Variants in VAMP4 observed in about 807,000 individuals in gnomAD.
VAMP4 encodes vesicle associated membrane protein 4, also known as vesicle-associated membrane protein 4.
In VAMP4, 19 loss-of-function variants were observed where a neutral mutation model predicts 23.5. The ratio of observed to expected loss-of-function variants is 0.81; its 90% CI spans 0.56 to 1.19. The LOEUF is 1.19. Ranked by LOEUF, VAMP4 falls within the 50% of genes most tolerant of loss-of-function variation. The pLI, the probability that VAMP4 is intolerant of heterozygous loss-of-function variation, is 0.00. For synonymous variants in VAMP4, 31 were observed against 51.0 expected (o/e 0.61, Z 1.67); for missense variants, 145 against 168.6 (o/e 0.86, Z 0.78).
intron 6 of VAMP4, 119 bp from the exon 7 acceptor site, chr1:171,706,537 T>G: frequency 1.1e-6 from 1 of 904,834 alleles, no homozygotes; most frequent in South Asian, 2.7e-5. Flanking sequence ...GTTTCTTAAC[T>G]ACAAAACTGA....
rs897879290 is a variant in VAMP4, at chr1:171,709,241, T to C, written c.345+424A>G. ...CTCCATTTGTCTTAACAGATTCGGA[T>C]ATGTAAGCTTTTATTTTTTACCCTT... On this transcript the variant is annotated intron_variant, in intron 6 of 7. Transcript: ENST00000236192. 3.7e-4 allele frequency among the ~76,000 whole-genome samples: 56 copies of C among 152,224 alleles called. 1 individual carries two copies. The highest frequency in any genetic ancestry group is 1.2e-3 in the African/African-American group (49 of 41,560).
chr1:171,703,601 G>C lies in VAMP4; in HGVS notation c.*905C>G, dbSNP rs866617336. 62 of 151,590 alleles carry C rather than the reference G, an allele frequency of 4.1e-4. No individual in the cohort carries two copies. In the Admixed American group the frequency reaches 4.1e-3, roughly 10 times the overall value. 9.4% of individuals were successfully genotyped at this position (151,590 alleles called of 1,614,324 possible). A position where few individuals can be genotyped will look rare whatever the true frequency, so the allele number is the denominator to read the frequency against. On this transcript the variant is annotated 3_prime_UTR_variant, in exon 8 of 8. Coordinates refer to ENST00000236192, the MANE Select transcript of VAMP4 (RefSeq NM_003762.5). ...ATTCAAAGTATTAATAGATGGTTTT[G>C]CTACTTTTTGTACTTTTGGTAAATG...
In VAMP4 at chr1:171,700,406, T is replaced by C. The variant is rs1353385023; in HGVS notation, c.*4100A>G. ...GTGTGGAATTTAAAATAATGACATA[T>C]ACCCAAGACACAAAATAAAGGACTT... On this transcript the variant is annotated 3_prime_UTR_variant, in exon 8 of 8. Coordinates refer to ENST00000236192, the MANE Select transcript of VAMP4 (RefSeq NM_003762.5). The C allele has an allele frequency of 1.3e-5, 2 of 152,198 alleles. No homozygotes were observed. Among genetic ancestry groups the C allele is most frequent in the African/African-American group, 4.8e-5 (2 of 41,450 alleles). The allele number at this position is 152,198 out of a possible 1,614,324, so 9.4% of individuals were successfully genotyped here.
chr1:171,708,330 A>G, intron 6 of VAMP4, among the ~76,000 whole-genome samples: 1 of 125,694 alleles, frequency 8.0e-6, no homozygotes, highest in African/African-American at 3.0e-5. Flanking sequence ...ACACAGCAAG[A>G]GTGCCACAAA....
chr1:171,731,581 A>C (rs1188941919), intron 2 of VAMP4, among the ~76,000 whole-genome samples: 5 of 152,198 alleles, frequency 3.3e-5, no homozygotes, highest in African/African-American at 1.2e-4. Flanking sequence ...AGCCAGCCAA[A>C]GATCAGGGTG....
rs117891274 is a variant in VAMP4, at chr1:171,724,669, A to G, written c.113+3855T>C. Among the ~76,000 whole-genome samples the G allele has an allele frequency of 2.6e-5, 4 of 152,282 alleles. 1 individual carries two copies. In the East Asian group the frequency reaches 5.8e-4, roughly 22 times the overall value. On this transcript the variant is annotated intron_variant, in intron 3 of 7. Coordinates refer to ENST00000236192, the MANE Select transcript of VAMP4 (RefSeq NM_003762.5). ...CCCCAAATTCATCTATAGGTTCAAT[A>G]TAATCTCAACCAAAATTCTAGCAGG...
At chr1:171,726,734 T>C (rs1169638740) in intron 3 of VAMP4, among the ~76,000 whole-genome samples, 2 of 152,132 alleles carry the variant, frequency 1.3e-5, no homozygotes, top group Non-Finnish European at 2.9e-5. Flanking sequence ...GTAAAAATCT[T>C]AGTGACCTTG....
At chr1:171,719,362 T>C in intron 3 of VAMP4, 141 bp from the exon 4 acceptor site, 2 of 609,174 alleles carry the variant, frequency 3.3e-6, no homozygotes, top group Non-Finnish European at 5.5e-6. Flanking sequence ...AGGGACCACA[T>C]TTTACTGATA....
intron 4 of VAMP4, among the ~76,000 whole-genome samples, chr1:171,718,604 G>T (rs1378867391): frequency 6.6e-6 from 1 of 152,012 alleles, no homozygotes; most frequent in Non-Finnish European, 1.5e-5. Flanking sequence ...CAATATATGG[G>T]TTATGATAAA....
At chr1:171,738,527 C>G in intron 1 of VAMP4, 64 bp from the exon 2 acceptor site, 1 of 1,046,694 alleles carries the variant, frequency 9.6e-7, no homozygotes, top group Non-Finnish European at 1.4e-6. Flanking sequence ...GTACTTAAAA[C>G]AGTGTACATG....
chr1:171,708,249 A>G (rs918474707), intron 6 of VAMP4, among the ~76,000 whole-genome samples: 2 of 151,084 alleles, frequency 1.3e-5, no homozygotes, highest in East Asian at 4.0e-4. Context: ...CTGAGGCATG[A>G]GAATCACTTG....
In VAMP4 at chr1:171,709,733, C is replaced by A; in HGVS notation, c.277G>T (p.Asp93Tyr). Reference sequence around the variant, plus strand: ...CTGTTGCTAAAAGCTGTTGCATTATCCGATAAGCTTTCTATATCACATAGA... The same window carrying A: ...CTGTTGCTAAAAGCTGTTGCATTATACGATAAGCTTTCTATATCACATAGA... ...ELQDKSESLS[D>Y]NATAFSNRSK... Residue 93 changes from aspartate (D) to tyrosine (Y), a missense_variant, in exon 6 of 8, where the codon GAT (aspartate) becomes TAT (tyrosine). Coordinates refer to ENST00000236192, the MANE Select transcript of VAMP4 (RefSeq NM_003762.5). The A allele has an allele frequency of 1.9e-6, 3 of 1,612,740 alleles. No individual in the cohort carries two copies. The highest frequency in any genetic ancestry group is 1.1e-5 in the South Asian group (1 of 91,056).
At chr1:171,706,734 A>G (rs1223481381) in intron 6 of VAMP4, among the ~76,000 whole-genome samples, 1 of 152,208 alleles carries the variant, frequency 6.6e-6, no homozygotes, top group Non-Finnish European at 1.5e-5. Context: ...AACCATTTGA[A>G]TTGCATGGCC....
In VAMP4 at chr1:171,701,087, A is replaced by C. The variant is rs963144288; in HGVS notation, c.*3419T>G. On this transcript the variant is annotated 3_prime_UTR_variant, in exon 8 of 8. Transcript: ENST00000236192. Reference sequence around the variant, plus strand: ...TGCATTTTTAGACAAAAGCATTTAGACAAATTTCATTTGTCTACAACATGG... The same window carrying C: ...TGCATTTTTAGACAAAAGCATTTAGCCAAATTTCATTTGTCTACAACATGG... 2 of 152,224 alleles carry C rather than the reference A, an allele frequency of 1.3e-5. No homozygotes were observed. Among genetic ancestry groups the C allele is most frequent in the Admixed American group, 1.3e-4 (2 of 15,282 alleles). The allele number at this position is 152,224 out of a possible 1,614,324, so 9.4% of individuals were successfully genotyped here.
intron 3 of VAMP4, among the ~76,000 whole-genome samples, chr1:171,723,405 T>C (rs1183159882): frequency 6.6e-6 from 1 of 152,190 alleles, no homozygotes; most frequent in Non-Finnish European, 1.5e-5. Flanking sequence ...ATCTGCAACA[T>C]ATAAGACACA....
chr1:171,703,914 T>C lies in VAMP4; in HGVS notation c.*592A>G, dbSNP rs1052676. On this transcript the variant is annotated 3_prime_UTR_variant, in exon 8 of 8. Transcript: ENST00000236192. ...CCAATGCCAAAAAAATTACTACACA[T>C]TCTCTTACACAGTCAAAAATATATT... 0.17 allele frequency: 26,255 copies of C among 152,346 alleles called. 2,357 individuals carry two copies. Among genetic ancestry groups the C allele is most frequent in the Middle Eastern group, 0.24 (72 of 294 alleles). The allele number at this position is 152,346 out of a possible 1,614,324, so 9.4% of individuals were successfully genotyped here.
chr1:171,717,586 C>A (rs1033124402), intron 4 of VAMP4, among the ~76,000 whole-genome samples: 1 of 151,592 alleles, frequency 6.6e-6, no homozygotes, highest in Non-Finnish European at 1.5e-5. Flanking sequence ...AATAGAGTAT[C>A]CCACAATTTG....
intron 3 of VAMP4, among the ~76,000 whole-genome samples, chr1:171,727,787 T>C (rs1036084231): frequency 6.6e-6 from 1 of 152,164 alleles, no homozygotes; most frequent in Non-Finnish European, 1.5e-5. Flanking sequence ...TATTAACACA[T>C]GGATGAATCT....
rs1654873552 is a variant in VAMP4 at position 171,712,307 on chromosome 1, TAGTA to T, written c.165-1497_165-1494del. On this transcript the variant is annotated intron_variant, in intron 4 of 7. Transcript: ENST00000236192. ...CCCCACACAACTCCCCAAACTAATG[TAGTA>T]AGTGAGGGGTGAGGCACAGTCATGT... Among the ~76,000 whole-genome samples the T allele has an allele frequency of 2.0e-5, 3 of 152,096 alleles. No individual in the cohort carries two copies. In the South Asian group the frequency reaches 6.2e-4, roughly 31 times the overall value.
Sources: gnomAD v4.1 joint callset for allele counts (sites outside exome capture counted in the v4.1 genomes callset) on GRCh38, gnomAD v4.1.1 for gene constraint, MANE v1.5 for transcripts, NCBI Gene and HGNC (gene_info 2026-07-23, HGNC 2026-07-21) for gene names.